The following SYPL1 variants were observed in gnomAD, a reference collection of about 807,000 sequenced individuals.
SYPL1 encodes synaptophysin like 1, also known as synaptophysin-like protein 1.
Under a neutral mutation model 23.7 loss-of-function variants are expected in SYPL1, and 6 were observed. The observed-to-expected ratio is 0.25, with a 90% CI of 0.14 to 0.50. The LOEUF is 0.50. Ranked by LOEUF, SYPL1 falls within the 20% of genes least tolerant of loss-of-function variation. The pLI is 0.98. For missense variants in SYPL1, 253 were observed against 288.9 expected (o/e 0.88, Z 0.90); for synonymous variants, 102 against 104.5 (o/e 0.98, Z 0.15).
intron 1 of SYPL1, among the ~76,000 whole-genome samples, chr7:106,102,882 A>G (rs1840400778): frequency 6.6e-6 from 1 of 152,242 alleles, no homozygotes; most frequent in Non-Finnish European, 1.5e-5. Context: ...ATGTGAAGAC[A>G]ATATAAAAGA....
chr7:106,105,516 C>T (rs1328498724), intron 1 of SYPL1, among the ~76,000 whole-genome samples: 1 of 148,116 alleles, frequency 6.8e-6, no homozygotes, highest in East Asian at 1.9e-4. Flanking sequence ...CAGACCCATA[C>T]TAGATGACCA....
intron 4 of SYPL1, chr7:106,092,727 G>T: frequency 1.1e-5 from 6 of 553,768 alleles, no homozygotes; most frequent in East Asian, 3.7e-5. Flanking sequence ...CTGACTAGAT[G>T]AAAGAAAGTC....
Position 106,092,945 on chromosome 7 carries a change from A to T in SYPL1, c.591+4T>A. The T allele has an allele frequency of 2.6e-6, 4 of 1,562,382 alleles. No homozygotes were observed. The highest frequency in any genetic ancestry group is 3.5e-6 in the Non-Finnish European group (4 of 1,158,442). ...GAAAAAAATTATAAATAATGCATAC[A>T]TACCACAGATACATTTAGGGATCCC... On this transcript the variant is annotated splice_donor_region_variant and intron_variant, in intron 4 of 4. Coordinates refer to ENST00000455385, the MANE Select transcript of SYPL1 (RefSeq NM_182715.4).
At chr7:106,094,032 G>A (rs1489699727) in intron 3 of SYPL1, among the ~76,000 whole-genome samples, 2 of 152,060 alleles carry the variant, frequency 1.3e-5, no homozygotes, top group African/African-American at 4.8e-5. Context: ...TAATGACCAG[G>A]GTAGGAATAA....
In SYPL1 at chr7:106,109,500, T is replaced by C. The variant is rs892503127; in HGVS notation, c.69+2640A>G. 3.9e-5 allele frequency among the ~76,000 whole-genome samples: 6 copies of C among 152,220 alleles called. No individual in the cohort carries two copies. The highest frequency in any genetic ancestry group is 1.2e-4 in the African/African-American group (5 of 41,458). ...ATGCCAAGGCATTATTTCCCTCAAT[T>C]TTCCTAACCATTCCTTCTCTCCTTT... On this transcript the variant is annotated intron_variant, in intron 1 of 4. Coordinates refer to ENST00000455385, the MANE Select transcript of SYPL1 (RefSeq NM_182715.4). The surrounding 1 kb of genome is among the most constrained non-coding windows in gnomAD (Gnocchi z 4.3).
intron 2 of SYPL1, among the ~76,000 whole-genome samples, chr7:106,098,471 G>A (rs1281692984): frequency 2.0e-5 from 3 of 152,006 alleles, no homozygotes; most frequent in Admixed American, 6.6e-5. Flanking sequence ...TTTAATATGG[G>A]GATTTTATTT....
intron 3 of SYPL1, among the ~76,000 whole-genome samples, chr7:106,094,066 G>T (rs939580165): frequency 6.6e-6 from 1 of 152,146 alleles, no homozygotes; most frequent in Non-Finnish European, 1.5e-5. Context: ...TCTTTTGGAT[G>T]CTATATATGC....
chr7:106,107,742 CAAAAAAAAA>C (rs10622990), intron 1 of SYPL1, among the ~76,000 whole-genome samples: 5 of 79,348 alleles, frequency 6.3e-5, no homozygotes, highest in Non-Finnish European at 1.4e-4. Context: ...ACTCCGTCTC[CAAAAAAAAA>C]AAAAAAAAAA....
chr7:106,103,223 T>C (rs560133361), intron 1 of SYPL1, among the ~76,000 whole-genome samples: 19 of 152,268 alleles, frequency 1.2e-4, no homozygotes, highest in South Asian at 8.3e-4. Context: ...AAAAAAGATA[T>C]AAGAATTACA....
In SYPL1 at chr7:106,099,249, C is replaced by G. The variant is rs779919840; in HGVS notation, c.103G>C (p.Gly35Arg). The G allele has an allele frequency of 1.2e-6, 2 of 1,613,744 alleles. No individual in the cohort carries two copies. The highest frequency in any genetic ancestry group is 1.1e-5 in the South Asian group (1 of 91,002). Residue 35 changes from glycine (G) to arginine (R), a missense_variant, in exon 2 of 5, where the codon GGT becomes CGT. By Grantham distance (125) the Gly-to-Arg change is moderately radical. Coordinates refer to ENST00000455385, the MANE Select transcript of SYPL1 (RefSeq NM_182715.4). Reference protein sequence around the residue: ...ASIFAFATCGGFKGQTEIQVN... With the variant: ...ASIFAFATCGRFKGQTEIQVN... ...TGAATTTCTGTTTGGCCCTTAAAAC[C>G]TCCACAGGTGGCAAAAGCAAAGATA...
Position 106,112,131 on chromosome 7 carries a change from T to G in SYPL1, c.69+9A>C. The G allele has an allele frequency of 6.7e-7, 1 of 1,493,782 alleles. No individual in the cohort carries two copies. Among genetic ancestry groups the G allele is most frequent in the Non-Finnish European group, 9.0e-7 (1 of 1,109,886 alleles). The allele number at this position is 1,493,782 out of a possible 1,614,324, so 92.5% of individuals were successfully genotyped here. The stretch of plus-strand genomic sequence containing the variant: ...GCAGGCGGGCCTGGCCGGCGCGGGC[T>G]GCACTCACCCACTCGAGGACCTTGA... On this transcript the variant is annotated intron_variant, in intron 1 of 4. Transcript: ENST00000455385.
chr7:106,110,739 G>C (rs6952509), intron 1 of SYPL1, among the ~76,000 whole-genome samples: 2 of 149,884 alleles, frequency 1.3e-5, no homozygotes, highest in Admixed American at 6.8e-5. Context: ...TAAGGAAAAA[G>C]CTAAGTCTAC....
Position 106,097,946 on chromosome 7 carries a change from A to C in SYPL1, c.195-49T>G, listed in dbSNP as rs1307679324. On this transcript the variant is annotated intron_variant, in intron 2 of 4. Transcript: ENST00000455385. This position sits in a 1 kb window ranked among gnomAD's most constrained non-coding sequence, Gnocchi z 4.6. ...ATTGGACTTTCCCAACAGAGACAGA[A>C]ACATTTAAGCAAAACAATGAGTGAC... 7 of 1,495,472 alleles carry C rather than the reference A, an allele frequency of 4.7e-6. No individual in the cohort carries two copies. In the South Asian group the frequency reaches 8.3e-5, roughly 18 times the overall value. 92.6% of individuals were successfully genotyped at this position (1,495,472 alleles called of 1,614,324 possible).
At chr7:106,106,563 A>AG in intron 1 of SYPL1, among the ~76,000 whole-genome samples, 1 of 149,410 alleles carries the variant, frequency 6.7e-6, no homozygotes, top group East Asian at 2.0e-4. Context: ...AAAAAAAAAA[A>AG]GACTCTGGAG....
chr7:106,107,742 CAAA>C (rs10622990), intron 1 of SYPL1, among the ~76,000 whole-genome samples: 4 of 79,332 alleles, frequency 5.0e-5, no homozygotes, highest in Admixed American at 1.5e-4. Flanking sequence ...ACTCCGTCTC[CAAA>C]AAAAAAAAAA....
Position 106,109,538 on chromosome 7 carries a change from C to A in SYPL1, c.69+2602G>T, listed in dbSNP as rs1176656610. On this transcript the variant is annotated intron_variant, in intron 1 of 4. Coordinates refer to ENST00000455385, the MANE Select transcript of SYPL1 (RefSeq NM_182715.4). This position sits in a 1 kb window ranked among gnomAD's most constrained non-coding sequence, Gnocchi z 4.3. ...CCTTCTCTCCTTTGCAGGCAGATAT[C>A]TGCTATATCTGCAGCCCAAACTCAT... Among the ~76,000 whole-genome samples the A allele has an allele frequency of 2.0e-5, 3 of 152,162 alleles. No homozygotes were observed. The highest frequency in any genetic ancestry group is 4.4e-5 in the Non-Finnish European group (3 of 68,042).
chr7:106,098,982 A>G (rs538595297), intron 2 of SYPL1, among the ~76,000 whole-genome samples, 176 bp downstream of exon 2: 1 of 152,324 alleles, frequency 6.6e-6, no homozygotes, highest in East Asian at 1.9e-4. Flanking sequence ...AGATCAGGAG[A>G]TGTTTTTAGA....
At position 106,091,849 on chromosome 7, in the gene SYPL1, C is replaced by G; in HGVS notation, c.682G>C (p.Ala228Pro). ...TSLHSPSNTS[A>P]PHSQGGIPPP... The stretch of plus-strand genomic sequence containing the variant: ...GGAATACCTCCTTGGCTATGAGGGG[C>G]AGATGTATTTGATGGACTGTGTAGG... Residue 228 changes from alanine (A) to proline (P), a missense_variant, in exon 5 of 5, where the codon GCC (alanine) becomes CCC (proline). Transcript: ENST00000455385. The surrounding 1 kb of genome is among the most constrained non-coding windows in gnomAD (Gnocchi z 5.0). 6.2e-7 allele frequency: 1 copy of G among 1,613,650 alleles called. No individual in the cohort carries two copies. The highest frequency in any genetic ancestry group is 1.1e-5 in the South Asian group (1 of 91,056).
intron 1 of SYPL1, among the ~76,000 whole-genome samples, chr7:106,105,920 C>T (rs1585942634): frequency 6.6e-6 from 1 of 152,084 alleles, no homozygotes; most frequent in Admixed American, 6.5e-5. Context: ...AAAATTGACC[C>T]ATGGCTTTAA....
Sources: allele counts gnomAD v4.1 joint callset (sites outside exome capture counted in the v4.1 genomes callset), GRCh38; gene constraint gnomAD v4.1.1; non-coding constraint Gnocchi (gnomAD v3.1); transcripts MANE v1.5; gene names NCBI Gene and HGNC (gene_info 2026-07-23, HGNC 2026-07-21).